TIGD5: variants seen among roughly 807,000 people sequenced by gnomAD.
The protein encoded by TIGD5 is tigger transposable element-derived protein 5.
Under a neutral mutation model 28.8 loss-of-function variants are expected in TIGD5, and 24 were observed. That is an observed-to-expected ratio of 0.83 (90% CI 0.60 to 1.17). TIGD5 has a LOEUF of 1.17. TIGD5 is among the 50% of genes most tolerant of loss of function. The pLI, the probability that TIGD5 is intolerant of heterozygous loss-of-function variation, is 0.00. For missense variants in TIGD5, 922 were observed against 911.4 expected (o/e 1.01, Z -0.15); for synonymous variants, 538 against 430.5 (o/e 1.25, Z -3.09).
rs776016193 is a variant in TIGD5 at position 143,599,530 on chromosome 8, G to C, written c.1627G>C (p.Glu543Gln). 1.3e-6 allele frequency: 2 copies of C among 1,581,168 alleles called. No homozygotes were observed. Among genetic ancestry groups the C allele is most frequent in the East Asian group, 4.6e-5 (2 of 43,282 alleles). The change falls in exon 1 of 1, where the codon GAG becomes CAG. Residue 543 changes from glutamate (E) to glutamine (Q), a missense_variant. By Grantham distance (29) the Glu-to-Gln change is conservative (BLOSUM62 2). This residue lies in a region of TIGD5 where 821 missense variants were observed against 815.2 expected (regional missense o/e 1.01). Transcript: ENST00000504548. ...CCTGGACGATGATGGGGGTCCGCCC[G>C]AGGGCTGCAGGGAGGAGGTGGGCCC... ...LHLDDDGGPP[E>Q]GCREEVGPAL...
At position 143,599,608 on chromosome 8, in the gene TIGD5, G is replaced by T. The variant is rs1270269350; in HGVS notation, c.1705G>T (p.Gly569Trp). ...CCCAGCCAGTCTGCCCTCTGCCATG[G>T]GGGGCGGAGAGGACGAGGAGGAGGC... ...PAPASLPSAMGGGEDEEEATD... is the reference protein window; with the variant it reads ...PAPASLPSAMWGGEDEEEATD... The change falls in exon 1 of 1, where the codon GGG becomes TGG. Residue 569 changes from glycine (G) to tryptophan (W), a missense_variant. Physicochemically the swap from Gly to Trp is radical, Grantham distance 184. Around this residue, in one of 3 missense-constraint regions of TIGD5, gnomAD observed 821 missense variants for 815.2 expected, o/e 1.01. Transcript: ENST00000504548. 6.5e-7 allele frequency: 1 copy of T among 1,526,944 alleles called. No individual in the cohort carries two copies. 94.6% of individuals were successfully genotyped at this position (1,526,944 alleles called of 1,614,324 possible).
In TIGD5 at chr8:143,597,836, C is replaced by A; in HGVS notation, c.-68C>A. On this transcript the variant is annotated 5_prime_UTR_variant, in exon 1 of 1. Coordinates refer to ENST00000504548, the MANE Select transcript of TIGD5 (RefSeq NM_032862.5). ...ACCCGTGCGGCCCCGCCCCCGAGTG[C>A]CCCGCCCCGAGCGGCTGGGCGTGTG... The A allele has an allele frequency of 6.3e-6, 2 of 316,214 alleles. No homozygotes were observed. The highest frequency in any genetic ancestry group is 9.1e-6 in the Non-Finnish European group (2 of 220,326). 19.6% of individuals were successfully genotyped at this position (316,214 alleles called of 1,614,324 possible).
In TIGD5 at chr8:143,598,170, C is replaced by T; in HGVS notation, c.267C>T (p.Arg89=). The stretch of plus-strand genomic sequence containing the variant: ...TCGGCGTGCCGGGCGGGACGCTGCG[C>T]GGCTGGCTCAAGGACGAGCCCAAGC... The part of the protein sequence containing the change: ...RDFGVPGGTL[R]GWLKDEPKLR... The change falls in exon 1 of 1, where the codon CGC becomes CGT. Residue 89 remains arginine, a synonymous_variant. Transcript: ENST00000504548. This position sits in a 1 kb window ranked among gnomAD's most constrained non-coding sequence, Gnocchi z 6.6. 6.3e-7 allele frequency: 1 copy of T among 1,598,478 alleles called. No individual in the cohort carries two copies. The highest frequency in any genetic ancestry group is 8.5e-7 in the Non-Finnish European group (1 of 1,173,508).
At position 143,599,172 on chromosome 8, in the gene TIGD5, C is replaced by A. The variant is rs763794614; in HGVS notation, c.1269C>A (p.Ala423=). ...IPAPLEQGVV[A]AFKQLYKREL... ...CACCGCTGGAGCAGGGCGTGGTGGC[C>A]GCCTTCAAACAGCTGTACAAGCGCG... Residue 423 remains alanine, a synonymous_variant, in exon 1 of 1, where the codon GCC becomes GCA. Coordinates refer to ENST00000504548, the MANE Select transcript of TIGD5 (RefSeq NM_032862.5). The A allele has an allele frequency of 5.2e-5, 84 of 1,608,908 alleles. No individual in the cohort carries two copies. In the East Asian group the frequency reaches 1.9e-3, roughly 36 times the overall value.
Position 143,598,129 on chromosome 8 carries a change from A to C in TIGD5, c.226A>C (p.Ser76Arg), listed in dbSNP as rs1246933434. The change falls in exon 1 of 1, where the codon AGT becomes CGT. Residue 76 changes from serine to arginine, a missense_variant. By Grantham distance (110) the Ser-to-Arg change is moderately radical. This residue lies in a region of TIGD5 where 821 missense variants were observed against 815.2 expected (regional missense o/e 1.01). Transcript: ENST00000504548. The surrounding 1 kb of genome is among the most constrained non-coding windows in gnomAD (Gnocchi z 6.6). ...CGTCAAGGGCGGCGAGCGGCAGGCCAGTGTGTGCCGCGACTTCGGCGTGCC... is the reference window on the plus strand; with the variant it reads ...CGTCAAGGGCGGCGAGCGGCAGGCCCGTGTGTGCCGCGACTTCGGCGTGCC... ...ERVKGGERQA[S>R]VCRDFGVPGG... The C allele has an allele frequency of 2.5e-6, 4 of 1,586,988 alleles. No individual in the cohort carries two copies. The South Asian group carries it at 3.4e-5, about 14-fold the overall frequency.
chr8:143,598,975 G>GGCCCCCCCCCCCGCCCCAA lies in TIGD5; in HGVS notation c.1072_1073insGCCCCCCCCCCCGCCCCAA (p.Ala358GlyfsTer123). 1 of 1,570,686 alleles carries GGCCCCCCCCCCCGCCCCAA rather than the reference G, an allele frequency of 6.4e-7. No homozygotes were observed. The highest frequency in any genetic ancestry group is 8.6e-7 in the Non-Finnish European group (1 of 1,164,926). On this transcript the variant is annotated frameshift_variant, in exon 1 of 1. Coordinates refer to ENST00000504548, the MANE Select transcript of TIGD5 (RefSeq NM_032862.5). LOFTEE classifies it high-confidence loss of function. The surrounding 1 kb of genome is among the most constrained non-coding windows in gnomAD (Gnocchi z 6.6). ...GCAGCAGAAGGCCGTGCTGCTGGTG[G>GGCCCCCCCCCCCGCCCCAA]CCCACCCGCCCTGCCCAAGCCCAGC...
Position 143,599,519 on chromosome 8 carries a change from G to T in TIGD5, c.1616G>T (p.Gly539Val). The T allele has an allele frequency of 6.3e-7, 1 of 1,587,852 alleles. No homozygotes were observed. The highest frequency in any genetic ancestry group is 1.1e-5 in the South Asian group (1 of 87,838). ...GAGTGGCTGCACCTGGACGATGATG[G>T]GGGTCCGCCCGAGGGCTGCAGGGAG... ...VAEWLHLDDDGGPPEGCREEV... is the reference protein window; with the variant it reads ...VAEWLHLDDDVGPPEGCREEV... Residue 539 changes from glycine (G) to valine (V), a missense_variant, in exon 1 of 1, where the codon GGG becomes GTG. Physicochemically the swap from Gly to Val is moderately radical, Grantham distance 109 (BLOSUM62 -3). Transcript: ENST00000504548.
In TIGD5 at chr8:143,600,017, C is replaced by A. The variant is rs777017118; in HGVS notation, c.*185C>A. ...GAGAGGTCGCCCTGCCTCACTGGCA[C>A]CCTGGGGGCACAGCTGGAAGAGAGG... On this transcript the variant is annotated 3_prime_UTR_variant, in exon 1 of 1. Coordinates refer to ENST00000504548, the MANE Select transcript of TIGD5 (RefSeq NM_032862.5). 23 of 554,194 alleles carry A rather than the reference C, an allele frequency of 4.2e-5. No homozygotes were observed. The highest frequency in any genetic ancestry group is 5.6e-5 in the Non-Finnish European group (20 of 356,280). 34.3% of individuals were successfully genotyped at this position (554,194 alleles called of 1,614,324 possible). A position where few individuals can be genotyped will look rare whatever the true frequency, so the allele number is the denominator to read the frequency against.
Position 143,602,262 on chromosome 8 carries a change from CAG to C in TIGD5, c.*2433_*2434del, listed in dbSNP as rs1563674793. 1 of 152,248 alleles carries C rather than the reference CAG, an allele frequency of 6.6e-6. No homozygotes were observed. Among genetic ancestry groups the C allele is most frequent in the Non-Finnish European group, 1.5e-5 (1 of 68,078 alleles). The allele number at this position is 152,248 out of a possible 1,614,324, so 9.4% of individuals were successfully genotyped here. On this transcript the variant is annotated 3_prime_UTR_variant, in exon 1 of 1. Coordinates refer to ENST00000504548, the MANE Select transcript of TIGD5 (RefSeq NM_032862.5). The stretch of plus-strand genomic sequence containing the variant: ...CATGCTGGCACAGGGTGCTGTGTGA[CAG>C]AGGCTTGGCCGCTGGGCCCCGCTGC...
chr8:143,598,038 C>A lies in TIGD5; in HGVS notation c.135C>A (p.Arg45=). The A allele has an allele frequency of 1.5e-6, 2 of 1,336,482 alleles. No homozygotes were observed. The highest frequency in any genetic ancestry group is 1.9e-6 in the Non-Finnish European group (2 of 1,045,366). The allele number at this position is 1,336,482 out of a possible 1,614,324, so 82.8% of individuals were successfully genotyped here. ...CCCCCGCGCCCGGGCCGCGGCCCCG[C>A]GTGGCCGTGAAGATGGCCTTCCGCA... The part of the protein sequence containing the change: ...PPPPAPGPRP[R]VAVKMAFRKA... The change falls in exon 1 of 1, where the codon CGC becomes CGA. Residue 45 remains arginine, a synonymous_variant. Coordinates refer to ENST00000504548, the MANE Select transcript of TIGD5 (RefSeq NM_032862.5). This position sits in a 1 kb window ranked among gnomAD's most constrained non-coding sequence, Gnocchi z 6.6.
At position 143,599,588 on chromosome 8, in the gene TIGD5, C is replaced by T; in HGVS notation, c.1685C>T (p.Ala562Val). The T allele has an allele frequency of 6.5e-7, 1 of 1,532,600 alleles. No homozygotes were observed. Among genetic ancestry groups the T allele is most frequent in the African/African-American group, 1.4e-5 (1 of 72,646 alleles). 94.9% of individuals were successfully genotyped at this position (1,532,600 alleles called of 1,614,324 possible). The change falls in exon 1 of 1, where the codon GCC (alanine) becomes GTC (valine). Residue 562 changes from alanine (A) to valine (V), a missense_variant. Around this residue, in one of 3 missense-constraint regions of TIGD5, gnomAD observed 821 missense variants for 815.2 expected, o/e 1.01. Coordinates refer to ENST00000504548, the MANE Select transcript of TIGD5 (RefSeq NM_032862.5). ...ALPPAAPPAPASLPSAMGGGE... is the reference protein window; with the variant it reads ...ALPPAAPPAPVSLPSAMGGGE... ...CCCCCTGCAGCGCCTCCGGCCCCAG[C>T]CAGTCTGCCCTCTGCCATGGGGGGC... is the stretch of plus-strand genomic sequence containing the variant.
Position 143,601,271 on chromosome 8 carries a change from C to T in TIGD5, c.*1439C>T, listed in dbSNP as rs1308935305. 1.3e-5 allele frequency: 2 copies of T among 152,128 alleles called. No homozygotes were observed. The highest frequency in any genetic ancestry group is 1.9e-4 in the East Asian group (1 of 5,190). 9.4% of individuals were successfully genotyped at this position (152,128 alleles called of 1,614,324 possible). On this transcript the variant is annotated 3_prime_UTR_variant, in exon 1 of 1. Transcript: ENST00000504548. ...TCAAAATCTGAGAGCTCAGGGAGGCCGTGGAAATTTGGGGAAGAAGAAACA... is the reference window on the plus strand; with the variant it reads ...TCAAAATCTGAGAGCTCAGGGAGGCTGTGGAAATTTGGGGAAGAAGAAACA...
rs908260683 is a variant in TIGD5 at position 143,603,085 on chromosome 8, G to C, written c.*3253G>C. Reference sequence around the variant, plus strand: ...TGGGGAGCAGCCCCAACAGCATGTCGGAGTCCCTAGGCTTGTGGGGTCATG... The same window carrying C: ...TGGGGAGCAGCCCCAACAGCATGTCCGAGTCCCTAGGCTTGTGGGGTCATG... On this transcript the variant is annotated 3_prime_UTR_variant, in exon 1 of 1. Coordinates refer to ENST00000504548, the MANE Select transcript of TIGD5 (RefSeq NM_032862.5). The C allele has an allele frequency of 1.3e-5, 2 of 152,214 alleles. No homozygotes were observed. The highest frequency in any genetic ancestry group is 6.5e-5 in the Admixed American group (1 of 15,284). The allele number at this position is 152,214 out of a possible 1,614,324, so 9.4% of individuals were successfully genotyped here.
At position 143,597,936 on chromosome 8, in the gene TIGD5, A is replaced by C; in HGVS notation, c.33A>C (p.Val11=). The C allele has an allele frequency of 1.2e-6, 1 of 855,734 alleles. No individual in the cohort carries two copies. Among genetic ancestry groups the C allele is most frequent in the Non-Finnish European group, 1.4e-6 (1 of 716,462 alleles). The allele number at this position is 855,734 out of a possible 1,614,324, so 53.0% of individuals were successfully genotyped here. A position where few individuals can be genotyped will look rare whatever the true frequency, so the allele number is the denominator to read the frequency against. Residue 11 remains valine (V), a synonymous_variant, in exon 1 of 1, where the codon GTA becomes GTC. Coordinates refer to ENST00000504548, the MANE Select transcript of TIGD5 (RefSeq NM_032862.5). ...CCGCGGGCCCCCCGGCCGGCCCGGTACCGCGCCGCGGCCGCCGTCCCCTGC... is the reference window on the plus strand; with the variant it reads ...CCGCGGGCCCCCCGGCCGGCCCGGTCCCGCGCCGCGGCCGCCGTCCCCTGC... MYPAGPPAGP[V]PRRGRRPLPG...
rs959462792 is a variant in TIGD5 at position 143,601,679 on chromosome 8, C to G, written c.*1847C>G. ...TCCCATCTCAGCCCTTTTGTTGGCCCGGGTCCCAGGAGGCTGGTGTCGGTG... is the reference window on the plus strand; with the variant it reads ...TCCCATCTCAGCCCTTTTGTTGGCCGGGGTCCCAGGAGGCTGGTGTCGGTG... On this transcript the variant is annotated 3_prime_UTR_variant, in exon 1 of 1. Coordinates refer to ENST00000504548, the MANE Select transcript of TIGD5 (RefSeq NM_032862.5). 1 of 152,360 alleles carries G rather than the reference C, an allele frequency of 6.6e-6. No individual in the cohort carries two copies. The highest frequency in any genetic ancestry group is 1.9e-4 in the East Asian group (1 of 5,204). 9.4% of individuals were successfully genotyped at this position (152,360 alleles called of 1,614,324 possible). A position where few individuals can be genotyped will look rare whatever the true frequency, so the allele number is the denominator to read the frequency against.
chr8:143,598,775 C>T lies in TIGD5; in HGVS notation c.872C>T (p.Pro291Leu). ...ANLTGSHKLK[P>L]LVIGRLPDPP... ...CTGACCGGCAGCCACAAGCTGAAGCCGCTGGTCATCGGGCGGCTGCCGGAC... is the reference window on the plus strand; with the variant it reads ...CTGACCGGCAGCCACAAGCTGAAGCTGCTGGTCATCGGGCGGCTGCCGGAC... Residue 291 changes from proline to leucine, a missense_variant, in exon 1 of 1, where the codon CCG (proline) becomes CTG (leucine). This residue lies in a region of TIGD5 where 821 missense variants were observed against 815.2 expected (regional missense o/e 1.01). Transcript: ENST00000504548. This position sits in a 1 kb window ranked among gnomAD's most constrained non-coding sequence, Gnocchi z 6.6. The T allele has an allele frequency of 6.3e-7, 1 of 1,595,376 alleles. No homozygotes were observed. The highest frequency in any genetic ancestry group is 8.5e-7 in the Non-Finnish European group (1 of 1,177,510).
chr8:143,600,045 T>C lies in TIGD5; in HGVS notation c.*213T>C. ...TGGGGGCACAGCTGGAAGAGAGGCC[T>C]GGCCCATGCTCCTCTCAGGGCAGGC... On this transcript the variant is annotated 3_prime_UTR_variant, in exon 1 of 1. Transcript: ENST00000504548. 2 of 460,042 alleles carry C rather than the reference T, an allele frequency of 4.3e-6. No individual in the cohort carries two copies. The highest frequency in any genetic ancestry group is 7.4e-6 in the Non-Finnish European group (2 of 271,428). The allele number at this position is 460,042 out of a possible 1,614,324, so 28.5% of individuals were successfully genotyped here.
rs1340262400 is a variant in TIGD5, at chr8:143,602,148, T to TTA, written c.*2316_*2317insTA. 1 of 149,782 alleles carries TTA rather than the reference T, an allele frequency of 6.7e-6. No individual in the cohort carries two copies. The highest frequency in any genetic ancestry group is 2.5e-5 in the African/African-American group (1 of 40,654). 9.3% of individuals were successfully genotyped at this position (149,782 alleles called of 1,614,324 possible). ...CACGCTGGTGGGGACATTAGGAGCC[T>TTA]GTCAAGAGTGGGTCTGCCTGCTGGC... On this transcript the variant is annotated 3_prime_UTR_variant, in exon 1 of 1. Transcript: ENST00000504548.
Position 143,599,489 on chromosome 8 carries a change from T to C in TIGD5, c.1586T>C (p.Val529Ala). 1 of 1,592,020 alleles carries C rather than the reference T, an allele frequency of 6.3e-7. No individual in the cohort carries two copies. The highest frequency in any genetic ancestry group is 8.5e-7 in the Non-Finnish European group (1 of 1,170,310). ...LAYKCLAPEE[V>A]AEWLHLDDDG... ...TACAAGTGCCTGGCTCCGGAGGAGG[T>C]TGCGGAGTGGCTGCACCTGGACGAT... is the stretch of plus-strand genomic sequence containing the variant. The change falls in exon 1 of 1, where the codon GTT (valine) becomes GCT (alanine). Residue 529 changes from valine (V) to alanine (A), a missense_variant. Transcript: ENST00000504548.
Sources: allele counts gnomAD v4.1 joint callset, GRCh38; gene constraint gnomAD v4.1.1; regional missense constraint gnomAD v4.1.1; non-coding constraint Gnocchi (gnomAD v3.1); transcripts MANE v1.5; gene names NCBI Gene and HGNC (gene_info 2026-07-23, HGNC 2026-07-21).